DAB1: variants seen among roughly 807,000 people sequenced by gnomAD.
DAB1 encodes disabled homolog 1.
DAB1 carries 15 observed loss-of-function variants against 64.6 expected under a neutral mutation model. The ratio of observed to expected loss-of-function variants is 0.23; its 90% CI spans 0.16 to 0.36. DAB1 has a LOEUF of 0.36. DAB1 is among the 10% of genes least tolerant of loss of function. DAB1 has a pLI of 1.00. For synonymous variants in DAB1, 235 were observed against 251.9 expected (o/e 0.93, Z 0.64); for missense variants, 596 against 706.7 (o/e 0.84, Z 1.78).
In DAB1 at chr1:58,401,331, C is replaced by T. The variant is rs189500948; in HGVS notation, n.258-57928G>A. On this transcript the variant is annotated intron_variant and non_coding_transcript_variant, in intron 3 of 20. Coordinates refer to the DAB1 transcript ENST00000485760. ...AGTCATACTGGCTTCTTTGCTGTCT[C>T]TCAGATGTTGAGGGCAGGCTCCCAT... Among the ~76,000 whole-genome samples the T allele has an allele frequency of 1.5e-4, 23 of 152,320 alleles. No individual in the cohort carries two copies. In the East Asian group the frequency reaches 4.2e-3, roughly 28 times the overall value.
chr1:58,165,698 T>C (rs1350938493), intron 4 of DAB1, among the ~76,000 whole-genome samples: 1 of 152,160 alleles, frequency 6.6e-6, no homozygotes, highest in Non-Finnish European at 1.5e-5. Context: ...ATAAACCAAC[T>C]AAAATTTTGT....
chr1:57,057,620 T>TA (rs1557643026), intron 9 of DAB1, among the ~76,000 whole-genome samples: 1 of 151,194 alleles, frequency 6.6e-6, no homozygotes, highest in South Asian at 2.1e-4. Flanking sequence ...TTTTTTTTTT[T>TA]TTTTGGAGAC....
intron 1 of DAB1, among the ~76,000 whole-genome samples, chr1:57,842,062 G>A (rs1346393701): frequency 2.6e-5 from 4 of 152,092 alleles, no homozygotes; most frequent in Admixed American, 2.0e-4. Context: ...GTGCTGTTAA[G>A]AGCACCTAAG....
chr1:57,446,819 G>T (rs905749064), intron 7 of DAB1, among the ~76,000 whole-genome samples: 3 of 152,098 alleles, frequency 2.0e-5, no homozygotes, highest in African/African-American at 4.8e-5. Flanking sequence ...ACCTGTGTTT[G>T]TTTCTCTTGG....
chr1:57,258,712 G>A (rs923311452), intron 2 of DAB1, among the ~76,000 whole-genome samples: 3 of 152,054 alleles, frequency 2.0e-5, no homozygotes, highest in Admixed American at 6.5e-5. Flanking sequence ...TAAATTGTTC[G>A]ACAGGATTTG....
At chr1:57,274,726 G>A (rs150361837) in intron 2 of DAB1, among the ~76,000 whole-genome samples, 2,063 of 152,084 alleles carry the variant, frequency 0.014, 34 homozygotes, top group Non-Finnish European at 0.017. Flanking sequence ...GACTACAGGC[G>A]AGCACCACCA....
intron 5 of DAB1, among the ~76,000 whole-genome samples, chr1:58,070,473 C>T (rs1332844750): frequency 6.6e-6 from 1 of 152,166 alleles, no homozygotes; most frequent in Non-Finnish European, 1.5e-5. Context: ...AGCCAGACAC[C>T]TGGGGCAGGA....
chr1:57,860,462 A>C (rs1217278089), intron 1 of DAB1: 1 of 152,210 alleles, frequency 6.6e-6, no homozygotes, highest in Non-Finnish European at 1.5e-5. Flanking sequence ...CATTGTGTCC[A>C]AGATGCTTAA....
At chr1:57,626,747 C>T (rs558889623) in intron 7 of DAB1, among the ~76,000 whole-genome samples, 1 of 152,138 alleles carries the variant, frequency 6.6e-6, no homozygotes, top group African/African-American at 2.4e-5. Flanking sequence ...ACTGTGCCCC[C>T]ACATGGCAGA....
intron 7 of DAB1, among the ~76,000 whole-genome samples, chr1:57,508,066 T>C (rs1644365777): frequency 6.6e-6 from 1 of 152,222 alleles, no homozygotes; most frequent in African/African-American, 2.4e-5. Context: ...CCGAGGATGG[T>C]CTGAGGACCA....
chr1:57,247,250 C>G (rs1186571335), intron 2 of DAB1, among the ~76,000 whole-genome samples: 1 of 152,128 alleles, frequency 6.6e-6, no homozygotes, highest in African/African-American at 2.4e-5. Context: ...CTGATCAGAT[C>G]ATGGGGGCAG....
At chr1:57,306,127 G>T (rs1450090452) in intron 1 of DAB1, among the ~76,000 whole-genome samples, 2 of 152,032 alleles carry the variant, frequency 1.3e-5, no homozygotes, top group East Asian at 3.9e-4. Flanking sequence ...TGTAGTGGTG[G>T]AAACACAGGC....
intron 4 of DAB1, among the ~76,000 whole-genome samples, chr1:58,282,214 G>C (rs1661579709): frequency 6.6e-6 from 1 of 152,140 alleles, no homozygotes; most frequent in Admixed American, 6.5e-5. Flanking sequence ...GAGTATCTCA[G>C]ATGGGGATAT....
At chr1:57,740,049 A>C (rs906735470) in intron 6 of DAB1, among the ~76,000 whole-genome samples, 1 of 147,964 alleles carries the variant, frequency 6.8e-6, no homozygotes, top group Non-Finnish European at 1.5e-5. Context: ...ACTACTACAA[A>C]AAAAAAAAAA....
intron 5 of DAB1, among the ~76,000 whole-genome samples, chr1:57,889,290 C>T (rs935174768): frequency 2.0e-5 from 3 of 152,198 alleles, no homozygotes; most frequent in Admixed American, 6.5e-5. Context: ...CTTGAGCTGT[C>T]GCTTATCAGT....
chr1:58,532,462 G>A (rs996962145), intron 1 of DAB1, among the ~76,000 whole-genome samples: 12 of 152,168 alleles, frequency 7.9e-5, no homozygotes, highest in African/African-American at 2.7e-4. Context: ...AAAGATATTA[G>A]AGTGCATATA....
chr1:57,558,009 T>C (rs1273177047), intron 7 of DAB1, among the ~76,000 whole-genome samples: 2 of 111,416 alleles, frequency 1.8e-5, no homozygotes, highest in Non-Finnish European at 3.9e-5. Flanking sequence ...ATCATGTGAG[T>C]GGCTGACCTG....
At chr1:58,180,216 T>C in intron 4 of DAB1, among the ~76,000 whole-genome samples, 1 of 151,440 alleles carries the variant, frequency 6.6e-6, no homozygotes, top group South Asian at 2.1e-4. Context: ...ATTATTTTTC[T>C]AGTTTTTTTA....
At chr1:58,379,789 G>A (rs147376855) in intron 3 of DAB1, among the ~76,000 whole-genome samples, 7 of 152,118 alleles carry the variant, frequency 4.6e-5, no homozygotes, top group African/African-American at 1.4e-4. Flanking sequence ...AGGAAAACAC[G>A]GTATATGGAA....
Sources: gnomAD v4.1 joint callset for allele counts (sites outside exome capture counted in the v4.1 genomes callset) on GRCh38, gnomAD v4.1.1 for gene constraint, MANE v1.5 for transcripts, NCBI Gene and HGNC (gene_info 2026-07-23, HGNC 2026-07-21) for gene names.